The following SNTG1 variants were observed in gnomAD, a reference collection of about 807,000 sequenced individuals.
The protein encoded by SNTG1 is gamma-1-syntrophin.
A neutral mutation model predicts 74.7 loss-of-function variants in SNTG1; 39 were observed. The observed-to-expected ratio is 0.52, with a 90% CI of 0.40 to 0.68. SNTG1 has a LOEUF of 0.68. SNTG1 is among the 30% of genes least tolerant of loss of function. The probability of loss-of-function intolerance (pLI) is 0.00; values close to 1 mark genes in which losing one functional copy is unlikely to be tolerated. For missense variants in SNTG1, 685 were observed against 609.5 expected, an observed-to-expected ratio of 1.12 and a Z score of -1.30; for synonymous variants, 254 against 217.1, an observed-to-expected ratio of 1.17 and a Z score of -1.49.
chr8:50,377,502 G>A (rs936811714), intron 2 of SNTG1, among the ~76,000 whole-genome samples: 5 of 151,974 alleles, frequency 3.3e-5, no homozygotes, highest in Admixed American at 3.3e-4. Flanking sequence ...TGTGTTTGCA[G>A]TACTTTTCTG....
chr8:50,541,704 C>T (rs2094348390), intron 11 of SNTG1, among the ~76,000 whole-genome samples: 1 of 151,900 alleles, frequency 6.6e-6, no homozygotes, highest in Admixed American at 6.6e-5. Context: ...TAAAAATATA[C>T]AATAGATTAT....
chr8:50,543,894 A>G (rs1585632432), intron 11 of SNTG1, among the ~76,000 whole-genome samples: 1 of 152,216 alleles, frequency 6.6e-6, no homozygotes, highest in East Asian at 1.9e-4. Context: ...ATGTAGTGAC[A>G]TGTCCCTGTG....
chr8:50,311,716 A>G (rs1317472600), intron 2 of SNTG1, among the ~76,000 whole-genome samples: 1 of 152,236 alleles, frequency 6.6e-6, no homozygotes, highest in Non-Finnish European at 1.5e-5. Flanking sequence ...CAAAGAAAAC[A>G]CTTAAGAATG....
chr8:50,585,445 A>T (rs922705228), intron 12 of SNTG1, among the ~76,000 whole-genome samples: 4 of 152,196 alleles, frequency 2.6e-5, no homozygotes, highest in African/African-American at 4.8e-5. Flanking sequence ...AGTCAAAATT[A>T]TACTCCCTTT....
Position 50,685,451 on chromosome 8 carries a change from C to CA in SNTG1, c.1039-19143dup, listed in dbSNP as rs547019495. Among the ~76,000 whole-genome samples the CA allele has an allele frequency of 1.4e-3, 215 of 152,190 alleles. 1 individual carries two copies. The highest frequency in any genetic ancestry group is 4.8e-3 in the African/African-American group (201 of 41,534). On this transcript the variant is annotated intron_variant, in intron 15 of 18. Transcript: ENST00000642720. ...AATATGTTTTCTAACTCTGATAATACAAAAAACTGTGGATGGTGGTTATAT... is the reference window on the plus strand; with the variant it reads ...AATATGTTTTCTAACTCTGATAATACAAAAAAACTGTGGATGGTGGTTATAT...
intron 13 of SNTG1, among the ~76,000 whole-genome samples, chr8:50,595,020 A>ATGTGTGTGTGTG (rs57799690): frequency 1.5e-4 from 22 of 147,736 alleles, no homozygotes; most frequent in African/African-American, 5.0e-4. Context: ...TTTATTGAAG[A>ATGTGTGTGTGTG]TGTGTGTGTG....
chr8:50,741,110 AC>A (rs2095542254), intron 17 of SNTG1, among the ~76,000 whole-genome samples: 1 of 152,010 alleles, frequency 6.6e-6, no homozygotes, highest in Non-Finnish European at 1.5e-5. Flanking sequence ...TACCCACATA[AC>A]AAACCTTCAC....
chr8:50,433,139 T>A (rs942180509), intron 4 of SNTG1, among the ~76,000 whole-genome samples: 4 of 152,248 alleles, frequency 2.6e-5, no homozygotes, highest in Non-Finnish European at 4.4e-5. Flanking sequence ...CATTATGCTT[T>A]TAATTTTCAA....
intron 1 of SNTG1, among the ~76,000 whole-genome samples, chr8:49,961,229 G>T (rs1396984296): frequency 6.6e-6 from 1 of 152,064 alleles, no homozygotes; most frequent in Non-Finnish European, 1.5e-5. Flanking sequence ...TCTATTCATT[G>T]TTGTTTGCCA....
chr8:50,066,257 T>C (rs919596358), intron 1 of SNTG1, among the ~76,000 whole-genome samples: 1 of 152,058 alleles, frequency 6.6e-6, no homozygotes. Flanking sequence ...ATAATAGCTT[T>C]TTCATTTTCT....
intron 12 of SNTG1, among the ~76,000 whole-genome samples, chr8:50,557,651 TGGTCCCA>T (rs1436262310): frequency 6.6e-6 from 1 of 152,190 alleles, no homozygotes; most frequent in Non-Finnish European, 1.5e-5. Context: ...CACTTGTCAT[TGGTCCCA>T]GGGCCCACTC....
chr8:50,629,089 G>T (rs1353072495), intron 13 of SNTG1, among the ~76,000 whole-genome samples: 1 of 152,046 alleles, frequency 6.6e-6, no homozygotes, highest in African/African-American at 2.4e-5. Flanking sequence ...GAAATGGTGA[G>T]ATGTTGATCA....
At chr8:50,095,983 TA>T (rs199823290) in intron 1 of SNTG1, among the ~76,000 whole-genome samples, 572 of 149,946 alleles carry the variant, frequency 3.8e-3, no homozygotes, top group Non-Finnish European at 6.3e-3. Context: ...TACCTGAATC[TA>T]AAAAAAAAAT....
At chr8:50,355,321 A>G (rs2131030817) in intron 2 of SNTG1, among the ~76,000 whole-genome samples, 1 of 152,284 alleles carries the variant, frequency 6.6e-6, no homozygotes, top group Middle Eastern at 3.4e-3. Context: ...AATCGAAATG[A>G]CAGGCATATA....
chr8:50,722,926 G>A (rs567415460), intron 17 of SNTG1, among the ~76,000 whole-genome samples: 62 of 152,124 alleles, frequency 4.1e-4, no homozygotes, highest in Admixed American at 1.4e-3. Context: ...TAAATCAATA[G>A]GTATCTTAAA....
chr8:50,012,122 AT>A (rs1815868730), intron 1 of SNTG1, among the ~76,000 whole-genome samples: 1 of 137,752 alleles, frequency 7.3e-6, no homozygotes, highest in African/African-American at 3.6e-5. Context: ...TTTCACACAC[AT>A]GTTAATTTCA....
intron 13 of SNTG1, among the ~76,000 whole-genome samples, chr8:50,628,565 TG>T (rs1206173455): frequency 6.6e-6 from 1 of 152,128 alleles, no homozygotes; most frequent in Non-Finnish European, 1.5e-5. Flanking sequence ...TTCTCAGTCC[TG>T]TTGTTCGTTC....
chr8:50,193,757 G>A (rs1263671571), intron 2 of SNTG1, among the ~76,000 whole-genome samples: 8 of 152,068 alleles, frequency 5.3e-5, no homozygotes, highest in Non-Finnish European at 1.2e-4. Context: ...CCAGTTCTCA[G>A]AGGGAATGCT....
chr8:50,550,700 T>C (rs2130580189), intron 11 of SNTG1, among the ~76,000 whole-genome samples: 1 of 152,006 alleles, frequency 6.6e-6, no homozygotes, highest in African/African-American at 2.4e-5. Context: ...TGTGTATATA[T>C]ATATATATGA....
Sources: allele counts gnomAD v4.1 joint callset (sites outside exome capture counted in the v4.1 genomes callset), GRCh38; gene constraint gnomAD v4.1.1; transcripts MANE v1.5; gene names NCBI Gene and HGNC (gene_info 2026-07-23, HGNC 2026-07-21).